Variants in PNN observed in about 807,000 individuals in gnomAD.
PNN encodes pinin, desmosome associated protein.
A neutral mutation model predicts 76.6 loss-of-function variants in PNN; 38 were observed. The observed-to-expected ratio is 0.50, with a 90% confidence interval of 0.38 to 0.65. The LOEUF is 0.65. PNN is among the 30% of genes least tolerant of loss of function. The pLI is 0.00. For missense variants in PNN, 873 were observed against 874.1 expected, an observed-to-expected ratio of 1.00 and a Z score of 0.02; for synonymous variants, 366 against 283.7, an observed-to-expected ratio of 1.29 and a Z score of -2.91.
chr14:39,175,287 T>C lies in PNN; in HGVS notation c.8T>C (p.Val3Ala), dbSNP rs147869342. Reference protein sequence around the residue: MAVAVRTLQEQLE... With the variant: MAAAVRTLQEQLE... ...GCCTGCCGCAGGGAGAAGATGGCGGTCGCCGTGAGAACTTTGCAGGAACAG... is the reference window on the plus strand; with the variant it reads ...GCCTGCCGCAGGGAGAAGATGGCGGCCGCCGTGAGAACTTTGCAGGAACAG... Residue 3 changes from valine (V) to alanine (A), a missense_variant, in exon 1 of 9, where the codon GTC (valine) becomes GCC (alanine). Val to Ala is a moderately conservative substitution (Grantham distance 64, BLOSUM62 0). This residue lies in a region of PNN where 156 missense variants were observed against 161.7 expected (regional missense o/e 0.96). Transcript: ENST00000216832. 78 of 1,597,826 alleles carry C rather than the reference T, an allele frequency of 4.9e-5. No individual in the cohort carries two copies. The highest frequency in any genetic ancestry group is 6.0e-5 in the Non-Finnish European group (70 of 1,169,290).
chr14:39,180,683 A>G lies in PNN; in HGVS notation c.974A>G (p.Gln325Arg). ...GAAGAGTTGGAGGAGACAGGTAATCAGCACAATGATGTAGAAATAGAGGAA... is the reference window on the plus strand; with the variant it reads ...GAAGAGTTGGAGGAGACAGGTAATCGGCACAATGATGTAGAAATAGAGGAA... The part of the protein sequence containing the change: ...REEELEETGN[Q>R]HNDVEIEEAG... The change falls in exon 9 of 9, where the codon CAG becomes CGG. Residue 325 changes from glutamine to arginine, a missense_variant. Transcript: ENST00000216832. 6.2e-7 allele frequency: 1 copy of G among 1,609,862 alleles called. No individual in the cohort carries two copies. The highest frequency in any genetic ancestry group is 8.5e-7 in the Non-Finnish European group (1 of 1,177,584).
At chr14:39,178,774 C>G (rs1305141087) in intron 6 of PNN, among the ~76,000 whole-genome samples, 2 of 148,788 alleles carry the variant, frequency 1.3e-5, no homozygotes, top group South Asian at 2.1e-4. Context: ...TTTGGCTCTT[C>G]TTGCTCAGGC....
rs770643521 is a variant in PNN at position 39,177,697 on chromosome 14, T to TG, written c.422+15dup. 6 of 1,595,950 alleles carry TG rather than the reference T, an allele frequency of 3.8e-6. No homozygotes were observed. The African/African-American group carries it at 5.4e-5, about 14-fold the overall frequency. ...AAAAGGGAAAGCAAAGGTATTTCCC[T>TG]GGGGGAAAAAAACTCTAGTGAAATA... On this transcript the variant is annotated intron_variant, in intron 5 of 8. Coordinates refer to ENST00000216832, the MANE Select transcript of PNN (RefSeq NM_002687.4).
chr14:39,177,616 A>G lies in PNN; in HGVS notation c.351A>G (p.Val117=). 3 of 1,613,892 alleles carry G rather than the reference A, an allele frequency of 1.9e-6. No homozygotes were observed. The highest frequency in any genetic ancestry group is 2.7e-5 in the African/African-American group (2 of 75,050). Residue 117 remains valine (V), a synonymous_variant, in exon 5 of 9, where the codon GTA becomes GTG. Coordinates refer to ENST00000216832, the MANE Select transcript of PNN (RefSeq NM_002687.4). ...VKKPALQSSV[V]ATSKERTRRD... ...AGCCAGCATTGCAGTCTTCAGTTGT[A>G]GCTACCTCCAAAGAGCGCACACGTA...
rs1471835683 is a variant in PNN, at chr14:39,179,366, A to G, written c.697A>G (p.Ile233Val). 4 of 1,611,434 alleles carry G rather than the reference A, an allele frequency of 2.5e-6. No homozygotes were observed. Among genetic ancestry groups the G allele is most frequent in the Non-Finnish European group, 2.5e-6 (3 of 1,178,222 alleles). The change falls in exon 8 of 9, where the codon ATA (isoleucine) becomes GTA (valine). Residue 233 changes from isoleucine to valine, a missense_variant. Ile to Val is a conservative substitution (Grantham distance 29). This residue lies in a region of PNN where 712 missense variants were observed against 693.1 expected (regional missense o/e 1.03). Coordinates refer to ENST00000216832, the MANE Select transcript of PNN (RefSeq NM_002687.4). ...NEHNAKIIKY[I>V]RTKTKPHLFY... is the part of the protein sequence containing the mutation. ...ACATAATGCCAAAATAATTAAATAT[A>G]TAAGAACTAAGACAAAGCCCCATTT... is the stretch of plus-strand genomic sequence containing the variant.
chr14:39,176,532 G>C lies in PNN; in HGVS notation c.191G>C (p.Gly64Ala). 2 of 1,604,442 alleles carry C rather than the reference G, an allele frequency of 1.2e-6. No homozygotes were observed. The highest frequency in any genetic ancestry group is 2.2e-5 in the South Asian group (2 of 89,194). The change falls in exon 3 of 9, where the codon GGA (glycine) becomes GCA (alanine). Residue 64 changes from glycine (G) to alanine (A), a missense_variant. Around this residue, in one of 3 missense-constraint regions of PNN, gnomAD observed 156 missense variants for 161.7 expected, o/e 0.96. Coordinates refer to ENST00000216832, the MANE Select transcript of PNN (RefSeq NM_002687.4). ...TTGAACATTTTAAATTTCAGGCGTG[G>C]ATTCTCAGATAGTGGAGGAGGACCC... is the stretch of plus-strand genomic sequence containing the variant. ...RGRGSLLLRR[G>A]FSDSGGGPPA...
Position 39,181,428 on chromosome 14 carries a change from T to C in PNN, c.1719T>C (p.Ser573=), listed in dbSNP as rs1271971709. 6 of 1,613,442 alleles carry C rather than the reference T, an allele frequency of 3.7e-6. No homozygotes were observed. In the South Asian group the frequency reaches 5.5e-5, roughly 15 times the overall value. Residue 573 remains serine (S), a synonymous_variant, in exon 9 of 9, where the codon AGT becomes AGC. Transcript: ENST00000216832. ...RGRARNKTSK[S]RSRSSSSSSS... ...GAGCTAGAAATAAAACAAGCAAGAG[T>C]AGAAGTCGAAGCAGTAGCAGTAGCA...
In PNN at chr14:39,177,914, AG is replaced by A; in HGVS notation, c.498+1del. 6.3e-7 allele frequency: 1 copy of A among 1,589,152 alleles called. No homozygotes were observed. Among genetic ancestry groups the A allele is most frequent in the Non-Finnish European group, 8.6e-7 (1 of 1,158,012 alleles). On this transcript the variant is annotated frameshift_variant and splice_region_variant, in exon 6 of 9. Transcript: ENST00000216832. LOFTEE classifies it high-confidence loss of function. ...FKQESTVATE[R>X]QKRRQEIEQK... ...ACAAGAATCCACTGTTGCTACTGAA[AG>A]GGTATTTATCCAAGTTTTGTTTTGC...
rs1396348464 is a variant in PNN, at chr14:39,179,084, CTT to C, written c.499-4_499-3del. The C allele has an allele frequency of 2.5e-6, 4 of 1,608,412 alleles. No homozygotes were observed. The highest frequency in any genetic ancestry group is 1.3e-5 in the African/African-American group (1 of 74,412). On this transcript the variant is annotated splice_polypyrimidine_tract_variant and splice_region_variant and intron_variant, in intron 6 of 8. Transcript: ENST00000216832. Reference sequence around the variant, plus strand: ...GTAAGTATTAAAGCAGGCTACTTAACTTTTAGCAAAAGCGGCGCCAGGAAATT... The same window carrying C: ...GTAAGTATTAAAGCAGGCTACTTAACTTAGCAAAAGCGGCGCCAGGAAATT...
In PNN at chr14:39,181,389, C is replaced by T. The variant is rs1169134939; in HGVS notation, c.1680C>T (p.Ser560=). 1.9e-6 allele frequency: 3 copies of T among 1,614,168 alleles called. No homozygotes were observed. The highest frequency in any genetic ancestry group is 1.7e-6 in the Non-Finnish European group (2 of 1,180,036). The part of the protein sequence containing the change: ...PESKSKTKTR[S]RSRGRARNKT... ...GCAAGAGCAAAACCAAAACTAGGAG[C>T]AGAAGTAGAGGTCGAGCTAGAAATA... is the stretch of plus-strand genomic sequence containing the variant. The change falls in exon 9 of 9, where the codon AGC becomes AGT. Residue 560 remains serine, a synonymous_variant. Coordinates refer to ENST00000216832, the MANE Select transcript of PNN (RefSeq NM_002687.4).
intron 1 of PNN, 56 bp downstream of exon 1, chr14:39,175,448 G>T: frequency 9.6e-7 from 1 of 1,040,832 alleles, no homozygotes; most frequent in East Asian, 2.5e-5. Context: ...CCCTCAGGTC[G>T]GGGTGAATTG....
At chr14:39,177,317 T>C in intron 3 of PNN, 95 bp from the exon 4 acceptor site, 1 of 929,350 alleles carries the variant, frequency 1.1e-6, no homozygotes, top group Non-Finnish European at 1.7e-6. Flanking sequence ...GCCTGGGAGG[T>C]CGAGGCTGCA....
Position 39,179,434 on chromosome 14 carries a change from A to G in PNN, c.765A>G (p.Leu255=). ...PGRMCPATQK[L]IEESQRKMNA... ...GAATGTGTCCAGCTACCCAAAAACT[A>G]ATAGAAGAGTCACAGAGAAAAATGA... Residue 255 remains leucine (L), a synonymous_variant, in exon 8 of 9, where the codon CTA becomes CTG. Coordinates refer to ENST00000216832, the MANE Select transcript of PNN (RefSeq NM_002687.4). 6.2e-7 allele frequency: 1 copy of G among 1,613,066 alleles called. No homozygotes were observed. The highest frequency in any genetic ancestry group is 8.5e-7 in the Non-Finnish European group (1 of 1,179,432).
Position 39,181,788 on chromosome 14 carries a change from G to T in PNN, c.2079G>T (p.Glu693Asp). 6.2e-7 allele frequency: 1 copy of T among 1,613,740 alleles called. No individual in the cohort carries two copies. The highest frequency in any genetic ancestry group is 8.5e-7 in the Non-Finnish European group (1 of 1,179,908). ...SRSDRKRSIS[E>D]SSRSGKRSSR... ...CCGACAGAAAGAGGTCTATATCAGA[G>T]AGTAGTCGATCAGGCAAAAGATCTT... is the stretch of plus-strand genomic sequence containing the variant. Residue 693 changes from glutamate (E) to aspartate (D), a missense_variant, in exon 9 of 9, where the codon GAG becomes GAT. This residue lies in a region of PNN where 712 missense variants were observed against 693.1 expected (regional missense o/e 1.03). Transcript: ENST00000216832.
rs745764089 is a variant in PNN, at chr14:39,177,620, A to G, written c.355A>G (p.Thr119Ala). The change falls in exon 5 of 9, where the codon ACC becomes GCC. Residue 119 changes from threonine to alanine, a missense_variant. By Grantham distance (58) the Thr-to-Ala change is moderately conservative. This residue lies in a region of PNN where 156 missense variants were observed against 161.7 expected (regional missense o/e 0.96). Coordinates refer to ENST00000216832, the MANE Select transcript of PNN (RefSeq NM_002687.4). ...AGCATTGCAGTCTTCAGTTGTAGCT[A>G]CCTCCAAAGAGCGCACACGTAGAGA... ...KPALQSSVVA[T>A]SKERTRRDLI... The G allele has an allele frequency of 3.7e-5, 60 of 1,613,776 alleles. No homozygotes were observed. The highest frequency in any genetic ancestry group is 4.7e-5 in the Non-Finnish European group (56 of 1,179,836).
chr14:39,175,291 C>G lies in PNN; in HGVS notation c.12C>G (p.Ala4=), dbSNP rs1197306374. ...GCCGCAGGGAGAAGATGGCGGTCGCCGTGAGAACTTTGCAGGAACAGCTGG... is the reference window on the plus strand; with the variant it reads ...GCCGCAGGGAGAAGATGGCGGTCGCGGTGAGAACTTTGCAGGAACAGCTGG... MAV[A]VRTLQEQLEK... The change falls in exon 1 of 9, where the codon GCC becomes GCG. Residue 4 remains alanine (A), a synonymous_variant. Coordinates refer to ENST00000216832, the MANE Select transcript of PNN (RefSeq NM_002687.4). 1 of 1,602,824 alleles carries G rather than the reference C, an allele frequency of 6.2e-7. No homozygotes were observed. The highest frequency in any genetic ancestry group is 8.5e-7 in the Non-Finnish European group (1 of 1,172,444).
chr14:39,179,203 C>G lies in PNN; in HGVS notation c.611C>G (p.Thr204Arg). Residue 204 changes from threonine to arginine, a missense_variant, in exon 7 of 9, where the codon ACA becomes AGA. Physicochemically the swap from Thr to Arg is moderately conservative, Grantham distance 71. Around this residue, in one of 3 missense-constraint regions of PNN, gnomAD observed 712 missense variants for 693.1 expected, o/e 1.03. Transcript: ENST00000216832. ...TTTGAAGAGAGGCGTGCTAAACAGA[C>G]AGAACTGCGGCTTTTGGAACAGAAA... The part of the protein sequence containing the change: ...ELFEERRAKQ[T>R]ELRLLEQKVE... The G allele has an allele frequency of 6.2e-7, 1 of 1,613,512 alleles. No homozygotes were observed. The highest frequency in any genetic ancestry group is 8.5e-7 in the Non-Finnish European group (1 of 1,179,924).
chr14:39,175,885 C>T, intron 1 of PNN, 193 bp from the exon 2 acceptor site: 1 of 561,076 alleles, frequency 1.8e-6, no homozygotes, highest in East Asian at 3.2e-5. Context: ...TTCTGTGACA[C>T]AGGTCCTGGA....
intron 1 of PNN, chr14:39,175,870 A>T (rs191537462): frequency 1.8e-6 from 1 of 551,398 alleles, no homozygotes; most frequent in Non-Finnish European, 3.2e-6. Context: ...CGAGGTGAAT[A>T]TAATTTCTGT....
Sources: allele counts gnomAD v4.1 joint callset (sites outside exome capture counted in the v4.1 genomes callset), GRCh38; gene constraint gnomAD v4.1.1; regional missense constraint gnomAD v4.1.1; transcripts MANE v1.5; gene names NCBI Gene and HGNC (gene_info 2026-07-23, HGNC 2026-07-21).